Variants in ROBO2 observed in about 807,000 individuals in gnomAD.
ROBO2 encodes roundabout guidance receptor 2.
In ROBO2, 53 loss-of-function variants were observed where a neutral mutation model predicts 160.8. That is an observed-to-expected ratio of 0.33 (90% CI 0.26 to 0.41). The LOEUF (loss-of-function observed/expected upper bound fraction) is 0.41, where lower values mean the gene tolerates loss of function less well. ROBO2 is among the 10% of genes least tolerant of loss of function. ROBO2 has a pLI of 1.00. For synonymous variants in ROBO2, 664 were observed against 611.7 expected (o/e 1.09, Z -1.26); for missense variants, 1,577 against 1,722.4 (o/e 0.92, Z 1.49).
intron 2 of ROBO2, among the ~76,000 whole-genome samples, chr3:76,197,969 A>T (rs1183149683): frequency 2.0e-5 from 3 of 152,154 alleles, no homozygotes; most frequent in Non-Finnish European, 2.9e-5. Context: ...TTGTACTTTA[A>T]GTTCTAGAAA....
chr3:76,121,784 A>G (rs542814679), intron 2 of ROBO2, among the ~76,000 whole-genome samples: 14 of 152,296 alleles, frequency 9.2e-5, no homozygotes, highest in African/African-American at 3.1e-4. Flanking sequence ...CATTCATGCC[A>G]TGAATACCAA....
intron 17 of ROBO2, among the ~76,000 whole-genome samples, chr3:77,591,955 T>G (rs2153685550): frequency 6.6e-6 from 1 of 152,356 alleles, no homozygotes; most frequent in South Asian, 2.1e-4. Flanking sequence ...TTAGGAGTTC[T>G]AATTGTTCAT....
chr3:77,311,350 T>C (rs2063528491), intron 2 of ROBO2, among the ~76,000 whole-genome samples: 1 of 152,220 alleles, frequency 6.6e-6, no homozygotes, highest in African/African-American at 2.4e-5. Flanking sequence ...ATACATGATT[T>C]GTCAGATTCC....
At chr3:77,266,656 C>G (rs896684589) in intron 2 of ROBO2, among the ~76,000 whole-genome samples, 7 of 152,102 alleles carry the variant, frequency 4.6e-5, no homozygotes, top group Non-Finnish European at 1.0e-4. Flanking sequence ...CTGTATAAAT[C>G]CCTGATCTAC....
chr3:77,469,320 A>T (rs1383749613), intron 2 of ROBO2, among the ~76,000 whole-genome samples: 1 of 152,096 alleles, frequency 6.6e-6, no homozygotes, highest in African/African-American at 2.4e-5. Context: ...CATCCTGAGG[A>T]TCGGTCTCCC....
chr3:77,430,781 G>A (rs1349127851), intron 2 of ROBO2, among the ~76,000 whole-genome samples: 1 of 152,126 alleles, frequency 6.6e-6, no homozygotes, highest in Non-Finnish European at 1.5e-5. Context: ...ATTGCCCAGT[G>A]TAAGGTATTT....
At chr3:76,261,236 TTCTAA>T (rs1559694758) in intron 2 of ROBO2, among the ~76,000 whole-genome samples, 2 of 150,458 alleles carry the variant, frequency 1.3e-5, no homozygotes, top group Non-Finnish European at 3.0e-5. Flanking sequence ...TTCCTATGAA[TTCTAA>T]TATAAAGAGA....
At chr3:76,931,328 A>G (rs2077325399) in intron 2 of ROBO2, among the ~76,000 whole-genome samples, 1 of 152,204 alleles carries the variant, frequency 6.6e-6, no homozygotes, top group Admixed American at 6.5e-5. Context: ...AATATATGCC[A>G]CATTGTTAGT....
intron 2 of ROBO2, among the ~76,000 whole-genome samples, chr3:76,216,243 C>T (rs907280685): frequency 1.3e-5 from 2 of 152,148 alleles, no homozygotes; most frequent in Non-Finnish European, 2.9e-5. Flanking sequence ...TAGGAAGAAA[C>T]TGCATCAACT....
chr3:77,235,355 A>ATATT (rs1553861493), intron 2 of ROBO2, among the ~76,000 whole-genome samples: 2 of 143,740 alleles, frequency 1.4e-5, no homozygotes, highest in Admixed American at 7.0e-5. Context: ...AGAGGAGAAT[A>ATATT]TTTTTTTTTT....
At chr3:76,498,356 T>C (rs532181221) in intron 2 of ROBO2, among the ~76,000 whole-genome samples, 7 of 152,086 alleles carry the variant, frequency 4.6e-5, no homozygotes, top group Middle Eastern at 3.2e-3. Flanking sequence ...TTTAGTTAGA[T>C]AGGAATAAAT....
chr3:76,996,153 T>A (rs6795635), intron 2 of ROBO2, among the ~76,000 whole-genome samples: 80,836 of 151,900 alleles, frequency 0.53, 22,429 homozygotes, highest in East Asian at 0.8. Context: ...GGGATCCAGT[T>A]TCAGCTTTCT....
chr3:76,115,403 C>T (rs2070423880), intron 2 of ROBO2, among the ~76,000 whole-genome samples: 1 of 152,084 alleles, frequency 6.6e-6, no homozygotes, highest in Admixed American at 6.6e-5. Context: ...ATCCTCAGCA[C>T]CATGGGAGGT....
chr3:75,912,778 T>C (rs1308222602), intron 1 of ROBO2, among the ~76,000 whole-genome samples: 1 of 152,194 alleles, frequency 6.6e-6, no homozygotes, highest in Admixed American at 6.5e-5. Flanking sequence ...AATAATATGA[T>C]TGAAAGGGTA....
intron 2 of ROBO2, among the ~76,000 whole-genome samples, chr3:77,387,521 T>A (rs1342349594): frequency 2.0e-5 from 3 of 151,956 alleles, no homozygotes; most frequent in Admixed American, 6.6e-5. Context: ...CTATTTGAAG[T>A]TTCCTTTTGA....
intron 2 of ROBO2, among the ~76,000 whole-genome samples, chr3:76,220,869 A>G (rs1282929782): frequency 1.3e-5 from 2 of 152,160 alleles, no homozygotes; most frequent in Non-Finnish European, 2.9e-5. Flanking sequence ...ACCTTCCTCT[A>G]CCACCCATTC....
At chr3:77,274,613 A>G (rs2153360395) in intron 2 of ROBO2, among the ~76,000 whole-genome samples, 1 of 152,280 alleles carries the variant, frequency 6.6e-6, no homozygotes, top group Admixed American at 6.5e-5. Context: ...GAAGCCAAAG[A>G]TAATCATAGA....
chr3:77,587,276 C>T (rs972576093), intron 16 of ROBO2, among the ~76,000 whole-genome samples: 4 of 151,950 alleles, frequency 2.6e-5, no homozygotes, highest in Non-Finnish European at 5.9e-5. Context: ...CCTGGAGGGT[C>T]GTGTGCACTT....
At chr3:76,573,816 G>A (rs1026643757) in intron 2 of ROBO2, among the ~76,000 whole-genome samples, 3 of 152,010 alleles carry the variant, frequency 2.0e-5, no homozygotes, top group Non-Finnish European at 4.4e-5. Flanking sequence ...ATGATCCACC[G>A]CATGGGGAAA....
Sources: allele counts gnomAD v4.1 joint callset (sites outside exome capture counted in the v4.1 genomes callset), GRCh38; gene constraint gnomAD v4.1.1; transcripts MANE v1.5; gene names NCBI Gene and HGNC (gene_info 2026-07-23, HGNC 2026-07-21).